Variants in ENTHD1 observed in about 807,000 individuals in gnomAD.
ENTHD1 encodes the protein ENTH domain containing 1, also known as ENTH domain-containing protein 1.
Under a neutral mutation model 39.1 loss-of-function variants are expected in ENTHD1, and 23 were observed. That is an observed-to-expected ratio of 0.59 (90% CI 0.42 to 0.83). The LOEUF is 0.83. Among genes scored for constraint, ENTHD1 ranks in the 40% least tolerant of loss-of-function variants. The pLI is 0.00. For missense variants in ENTHD1, 624 were observed against 705.4 expected, an observed-to-expected ratio of 0.88 and a Z score of 1.31; for synonymous variants, 230 against 258.2, an observed-to-expected ratio of 0.89 and a Z score of 1.05.
At position 39,821,000 on chromosome 22, in the gene ENTHD1, C is replaced by A; in HGVS notation, c.825G>T (p.Ser275=). Residue 275 remains serine, a synonymous_variant, in exon 5 of 7, where the codon TCG becomes TCT. Transcript: ENST00000325157. Reference sequence around the variant, plus strand: ...ATTCCTTAACCAATTTACCTGCACCCGAAAGATTACAAACTTCTTCTGCTT... The same window carrying A: ...ATTCCTTAACCAATTTACCTGCACCAGAAAGATTACAAACTTCTTCTGCTT... ...LSEAEEVCNL[S]GADAVPTLSE... is the part of the protein sequence containing the mutation. 1 of 1,613,820 alleles carries A rather than the reference C, an allele frequency of 6.2e-7. No individual in the cohort carries two copies. The highest frequency in any genetic ancestry group is 8.5e-7 in the Non-Finnish European group (1 of 1,179,862).
intron 4 of ENTHD1, among the ~76,000 whole-genome samples, chr22:39,827,831 A>T (rs1163983745): frequency 6.6e-6 from 1 of 152,200 alleles, no homozygotes; most frequent in Non-Finnish European, 1.5e-5. Context: ...TAATAAAAAT[A>T]TATGTACAAG....
At chr22:39,824,140 A>C (rs2065805677) in intron 4 of ENTHD1, among the ~76,000 whole-genome samples, 2 of 142,638 alleles carry the variant, frequency 1.4e-5, no homozygotes, top group Admixed American at 1.4e-4. Context: ...AAACATTTTC[A>C]GTTTTGATGA....
intron 2 of ENTHD1, among the ~76,000 whole-genome samples, chr22:39,874,721 T>C (rs4334576): frequency 6.6e-6 from 1 of 152,152 alleles, no homozygotes; most frequent in Non-Finnish European, 1.5e-5. Context: ...GAGCAGGCAA[T>C]ACTTGAACAG....
intron 3 of ENTHD1, among the ~76,000 whole-genome samples, chr22:39,856,054 C>A (rs959107823): frequency 6.6e-6 from 1 of 152,118 alleles, no homozygotes; most frequent in African/African-American, 2.4e-5. Context: ...GCGGGCAGAT[C>A]ACCTGAGGTC....
intron 2 of ENTHD1, among the ~76,000 whole-genome samples, chr22:39,871,670 G>A (rs923681086): frequency 2.6e-5 from 4 of 152,160 alleles, no homozygotes; most frequent in Non-Finnish European, 5.9e-5. Flanking sequence ...AAAGAGCTCC[G>A]TGGGAAGACT....
chr22:39,853,755 C>T (rs2066063120), intron 3 of ENTHD1, among the ~76,000 whole-genome samples: 1 of 151,814 alleles, frequency 6.6e-6, no homozygotes, highest in South Asian at 2.1e-4. Context: ...TGTATTTTTA[C>T]TAGAGATAGG....
At chr22:39,822,838 C>T (rs900394807) in intron 4 of ENTHD1, among the ~76,000 whole-genome samples, 10 of 152,182 alleles carry the variant, frequency 6.6e-5, no homozygotes, top group Non-Finnish European at 1.3e-4. Flanking sequence ...AAAAACTCAA[C>T]TTTGAGCTCA....
At chr22:39,855,351 A>T (rs2066076462) in intron 3 of ENTHD1, among the ~76,000 whole-genome samples, 1 of 152,086 alleles carries the variant, frequency 6.6e-6, no homozygotes, top group Non-Finnish European at 1.5e-5. Context: ...TACATATTCA[A>T]ATTTATATTT....
At chr22:39,891,964 C>T (rs2066430834) in intron 1 of ENTHD1, among the ~76,000 whole-genome samples, 1 of 151,722 alleles carries the variant, frequency 6.6e-6, no homozygotes, top group Non-Finnish European at 1.5e-5. Flanking sequence ...ATTGGTTGCC[C>T]AGATGGTCAC....
intron 5 of ENTHD1, among the ~76,000 whole-genome samples, chr22:39,779,241 C>T (rs549436214): frequency 1.9e-4 from 29 of 152,010 alleles, no homozygotes; most frequent in African/African-American, 6.8e-4. Flanking sequence ...TGCTTGAACC[C>T]GGGAGGCAAA....
At position 39,861,973 on chromosome 22, in the gene ENTHD1, G is replaced by A; in HGVS notation, c.384C>T (p.Ile128=). 1 of 1,536,800 alleles carries A rather than the reference G, an allele frequency of 6.5e-7. No individual in the cohort carries two copies. ...GCAATGGTTCATCCATCAGCAATGTGATGACTTGCTTAGATTTTTCCCGGA... is the reference window on the plus strand; with the variant it reads ...GCAATGGTTCATCCATCAGCAATGTAATGACTTGCTTAGATTTTTCCCGGA... ...YYIREKSKQV[I]TLLMDEPLLC... The change falls in exon 3 of 7, where the codon ATC becomes ATT. Residue 128 remains isoleucine, a synonymous_variant. Coordinates refer to ENST00000325157, the MANE Select transcript of ENTHD1 (RefSeq NM_152512.4).
At chr22:39,832,261 T>C (rs1215125809) in intron 4 of ENTHD1, among the ~76,000 whole-genome samples, 1 of 152,172 alleles carries the variant, frequency 6.6e-6, no homozygotes, top group Admixed American at 6.6e-5. Context: ...CAGTGAGCTA[T>C]GATCATTCCA....
At chr22:39,880,300 G>C (rs1289358251) in intron 2 of ENTHD1, among the ~76,000 whole-genome samples, 1 of 152,180 alleles carries the variant, frequency 6.6e-6, no homozygotes, top group Non-Finnish European at 1.5e-5. Context: ...ACAGTGAAAA[G>C]ATCAATGCTT....
At chr22:39,784,157 A>G (rs143054152) in intron 5 of ENTHD1, among the ~76,000 whole-genome samples, 1 of 152,270 alleles carries the variant, frequency 6.6e-6, no homozygotes, top group African/African-American at 2.4e-5. Flanking sequence ...GCTCAACATC[A>G]CTAAACACTC....
At chr22:39,850,984 T>C (rs188240164) in intron 3 of ENTHD1, among the ~76,000 whole-genome samples, 106 of 152,356 alleles carry the variant, frequency 7.0e-4, no homozygotes, top group Middle Eastern at 3.4e-3. Context: ...TGGAATAATT[T>C]TCCTCTTTTT....
intron 3 of ENTHD1, among the ~76,000 whole-genome samples, chr22:39,839,412 AT>A (rs2065928503): frequency 6.6e-6 from 1 of 152,200 alleles, no homozygotes; most frequent in South Asian, 2.1e-4. Context: ...AGGAAGTAAA[AT>A]TTGAACAAGG....
chr22:39,759,432 T>C (rs1424162185), intron 6 of ENTHD1, among the ~76,000 whole-genome samples: 1 of 152,136 alleles, frequency 6.6e-6, no homozygotes, highest in Non-Finnish European at 1.5e-5. Context: ...TCATAATCTT[T>C]TGGTAATCTA....
intron 2 of ENTHD1, among the ~76,000 whole-genome samples, chr22:39,866,274 G>T (rs370807612): frequency 9.1e-4 from 139 of 152,308 alleles, no homozygotes; most frequent in African/African-American, 3.3e-3. Flanking sequence ...AAGGCCCAAG[G>T]ACATTCATTT....
At chr22:39,880,223 A>G (rs180690140) in intron 2 of ENTHD1, among the ~76,000 whole-genome samples, 43 of 152,224 alleles carry the variant, frequency 2.8e-4, no homozygotes, top group African/African-American at 1.0e-3. Context: ...ACAGAAACCT[A>G]CTTAAAAAGG....
Sources: allele counts gnomAD v4.1 joint callset (sites outside exome capture counted in the v4.1 genomes callset), GRCh38; gene constraint gnomAD v4.1.1; transcripts MANE v1.5; gene names NCBI Gene and HGNC (gene_info 2026-07-23, HGNC 2026-07-21).